The following PKD1L3 variants were observed in gnomAD, a reference collection of about 807,000 sequenced individuals.
PKD1L3 encodes the protein polycystin-1-like protein 3.
PKD1L3 carries 239 observed loss-of-function variants against 184.1 expected under a neutral mutation model. The ratio of observed to expected loss-of-function variants is 1.30; its 90% CI spans 1.17 to 1.45. The LOEUF (loss-of-function observed/expected upper bound fraction) is 1.45, where lower values mean the gene tolerates loss of function less well. PKD1L3 is among the 40% of genes most tolerant of loss of function. The pLI, the probability that PKD1L3 is intolerant of heterozygous loss-of-function variation, is 0.00. For synonymous variants in PKD1L3, 996 were observed against 778.8 expected (o/e 1.28, Z -4.64); for missense variants, 2,660 against 2,067.2 (o/e 1.29, Z -5.56).
chr16:71,942,933 T>C lies in PKD1L3; in HGVS notation c.3951A>G (p.Thr1317=). 7 of 1,551,486 alleles carry C rather than the reference T, an allele frequency of 4.5e-6. No individual in the cohort carries two copies. Among genetic ancestry groups the C allele is most frequent in the Non-Finnish European group, 6.1e-6 (7 of 1,146,906 alleles). ...RFYLHQAIWK[T]FSHQFSEIKL... ...TGATTTCCGAGAACTGGTGCGAAAA[T>C]GTCTTCCAGATAGCTTGGTGGAGGT... Residue 1317 remains threonine (T), a synonymous_variant, in exon 24 of 30, where the codon ACA becomes ACG. Transcript: ENST00000620267.
At position 71,983,659 on chromosome 16, in the gene PKD1L3, CTTTCTTT is replaced by C. The variant is rs1423756451; in HGVS notation, c.966+370_966+376del. Among the ~76,000 whole-genome samples, 17 of 92,432 alleles carry C rather than the reference CTTTCTTT, an allele frequency of 1.8e-4. 1 individual carries two copies. The highest frequency in any genetic ancestry group is 1.4e-3 in the East Asian group (4 of 2,944). The allele number at this position is 92,432 out of a possible 152,430, so 60.6% of individuals were successfully genotyped here. A position where few individuals can be genotyped will look rare whatever the true frequency, so the allele number is the denominator to read the frequency against. On this transcript the variant is annotated intron_variant, in intron 6 of 29. Transcript: ENST00000620267. The stretch of plus-strand genomic sequence containing the variant: ...GCATAAGGCACAATCTCCAGATTCT[CTTTCTTT>C]TTTTTTTTTTTTTTTTTTTGGAGAC...
intron 3 of PKD1L3, 107 bp downstream of exon 3, chr16:71,993,109 T>C: frequency 2.6e-6 from 2 of 761,900 alleles, no homozygotes; most frequent in South Asian, 2.1e-5. Flanking sequence ...GCAACGAATA[T>C]TGGGCACATG....
Position 71,998,352 on chromosome 16 carries a change from G to A in PKD1L3, c.338C>T (p.Thr113Ile). The A allele has an allele frequency of 1.3e-6, 2 of 1,551,852 alleles. No individual in the cohort carries two copies. Among genetic ancestry groups the A allele is most frequent in the South Asian group, 2.4e-5 (2 of 84,062 alleles). Residue 113 changes from threonine (T) to isoleucine (I), a missense_variant, in exon 2 of 30, where the codon ACC (threonine) becomes ATC (isoleucine). By Grantham distance (89) the Thr-to-Ile change is moderately conservative. Coordinates refer to ENST00000620267, the MANE Select transcript of PKD1L3 (RefSeq NM_181536.2). ...ANGPPKPLSC[T>I]YLSRNFIRIS... ...CCGAATGAAGTTTCTGGACAGGTAG[G>A]TGCAGCTGAGGGGCTTTGGGGGCCC...
intron 4 of PKD1L3, among the ~76,000 whole-genome samples, chr16:71,989,944 G>T (rs769667666): frequency 2.0e-5 from 3 of 151,834 alleles, no homozygotes; most frequent in Non-Finnish European, 4.4e-5. Flanking sequence ...GTGTGGTGGC[G>T]CAGGCCTGTA....
intron 2 of PKD1L3, 147 bp downstream of exon 2, chr16:71,998,125 T>A: frequency 9.0e-7 from 1 of 1,108,386 alleles, no homozygotes. Context: ...TTTCTCATGC[T>A]AATCAGCATC....
chr16:71,976,961 T>G (rs575140365), intron 11 of PKD1L3, among the ~76,000 whole-genome samples: 2 of 152,218 alleles, frequency 1.3e-5, no homozygotes, highest in Non-Finnish European at 2.9e-5. Flanking sequence ...GCCAGGATGG[T>G]CTCGATCTCC....
chr16:71,939,609 C>T (rs2038292524), intron 24 of PKD1L3, among the ~76,000 whole-genome samples: 1 of 152,144 alleles, frequency 6.6e-6, no homozygotes. Context: ...ACTAAAAACC[C>T]CATGAAGACC....
intron 21 of PKD1L3, 37 bp downstream of exon 21, chr16:71,949,746 T>A: frequency 7.2e-6 from 11 of 1,522,370 alleles, no homozygotes; most frequent in Non-Finnish European, 9.8e-6. Context: ...TCCCCTAACT[T>A]CTGCAACTCC....
rs560446212 is a variant in PKD1L3, at chr16:71,986,462, G to C, written c.593C>G (p.Thr198Ser). 1.7e-5 allele frequency: 26 copies of C among 1,548,890 alleles called. No homozygotes were observed. Among genetic ancestry groups the C allele is most frequent in the African/African-American group, 1.4e-4 (10 of 72,918 alleles). Reference sequence around the variant, plus strand: ...AAACTGGCTGATGGGATGACACAGGGTCTTGGACTAAAAGATAAAAATATG... The same window carrying C: ...AAACTGGCTGATGGGATGACACAGGCTCTTGGACTAAAAGATAAAAATATG... ...HYPLPAHLSK[T>S]LCHPISQFPS... Residue 198 changes from threonine to serine, a missense_variant, in exon 5 of 30, where the codon ACC (threonine) becomes AGC (serine). Physicochemically the swap from Thr to Ser is moderately conservative, Grantham distance 58. Coordinates refer to ENST00000620267, the MANE Select transcript of PKD1L3 (RefSeq NM_181536.2).
At chr16:71,995,719 A>G (rs2040761655) in intron 2 of PKD1L3, among the ~76,000 whole-genome samples, 2 of 152,152 alleles carry the variant, frequency 1.3e-5, no homozygotes, top group Non-Finnish European at 1.5e-5. Context: ...ATCTTTTTGT[A>G]CTTTTGCTGG....
In PKD1L3 at chr16:71,986,157, T is replaced by G; in HGVS notation, c.834+64A>C. The stretch of plus-strand genomic sequence containing the variant: ...AGGTGTAGTTCTGCAGGGAGGCAAA[T>G]GGGTGAACCAAGTACTTTTTGGGGG... On this transcript the variant is annotated intron_variant, in intron 5 of 29. Transcript: ENST00000620267. 6 of 1,522,910 alleles carry G rather than the reference T, an allele frequency of 3.9e-6. No homozygotes were observed. In the South Asian group the frequency reaches 7.5e-5, roughly 19 times the overall value. The allele number at this position is 1,522,910 out of a possible 1,614,324, so 94.3% of individuals were successfully genotyped here.
chr16:71,964,082 G>C (rs998681214), intron 15 of PKD1L3, among the ~76,000 whole-genome samples: 1 of 151,392 alleles, frequency 6.6e-6, no homozygotes, highest in Admixed American at 6.6e-5. Context: ...CCACTTCACA[G>C]AGCCATAGGC....
intron 10 of PKD1L3, among the ~76,000 whole-genome samples, chr16:71,977,709 T>C (rs563900439): frequency 4.1e-4 from 62 of 151,772 alleles, no homozygotes; most frequent in Admixed American, 1.4e-3. Flanking sequence ...GTCTTCCTCA[T>C]TGGATGTTAG....
chr16:71,970,411 A>T (rs1231639845), intron 12 of PKD1L3, among the ~76,000 whole-genome samples: 1 of 152,236 alleles, frequency 6.6e-6, no homozygotes, highest in Admixed American at 6.5e-5. Context: ...GTCTATAATT[A>T]TCAAAAATAG....
chr16:71,955,841 C>T (rs1457891060), intron 16 of PKD1L3, among the ~76,000 whole-genome samples: 3 of 152,162 alleles, frequency 2.0e-5, no homozygotes, highest in Non-Finnish European at 4.4e-5. Flanking sequence ...GGCACTCATT[C>T]TCCTTGCTGC....
chr16:71,969,819 C>G, intron 13 of PKD1L3, 56 bp downstream of exon 13: 1 of 1,447,068 alleles, frequency 6.9e-7, no homozygotes, highest in Non-Finnish European at 9.3e-7. Flanking sequence ...TTTCCTTCAT[C>G]TTATTTAATT....
At chr16:71,943,184 T>C (rs967946803) in intron 23 of PKD1L3, among the ~76,000 whole-genome samples, 160 bp from the exon 24 acceptor site, 1 of 152,106 alleles carries the variant, frequency 6.6e-6, no homozygotes, top group Non-Finnish European at 1.5e-5. Flanking sequence ...AATACATACA[T>C]ACACATTTCC....
Position 71,986,393 on chromosome 16 carries a change from G to T in PKD1L3, c.662C>A (p.Ala221Glu). 6.4e-7 allele frequency: 1 copy of T among 1,551,832 alleles called. No homozygotes were observed. Among genetic ancestry groups the T allele is most frequent in the Non-Finnish European group, 8.7e-7 (1 of 1,146,998 alleles). Residue 221 changes from alanine to glutamate, a missense_variant, in exon 5 of 30, where the codon GCA (alanine) becomes GAA (glutamate). Physicochemically the swap from Ala to Glu is moderately radical, Grantham distance 107 (BLOSUM62 -1). Transcript: ENST00000620267. Reference sequence around the variant, plus strand: ...GAGAGGCTGGCTGCTGGGTTCAGATGCGGCTGATGTTACCTGTGATGTGAT... The same window carrying T: ...GAGAGGCTGGCTGCTGGGTTCAGATTCGGCTGATGTTACCTGTGATGTGAT... ...SSITSQVTSA[A>E]SEPSSQPLPV...
rs529888895 is a variant in PKD1L3, at chr16:71,941,291, G to A, written c.4324+1269C>T. Among the ~76,000 whole-genome samples the A allele has an allele frequency of 2.7e-4, 41 of 151,594 alleles. No individual in the cohort carries two copies. The South Asian group carries it at 8.1e-3, about 30-fold the overall frequency. ...TCAGAGTTAAGAGGATATTGCATCC[G>A]TAAAAGAACAATAAGAGACTATGAA... On this transcript the variant is annotated intron_variant, in intron 24 of 29. Coordinates refer to ENST00000620267, the MANE Select transcript of PKD1L3 (RefSeq NM_181536.2).
Sources: allele counts gnomAD v4.1 joint callset (sites outside exome capture counted in the v4.1 genomes callset), GRCh38; gene constraint gnomAD v4.1.1; transcripts MANE v1.5; gene names NCBI Gene and HGNC (gene_info 2026-07-23, HGNC 2026-07-21).